Variants in CFI observed in about 807,000 individuals in gnomAD.
CFI encodes complement factor I.
In CFI, 66 loss-of-function variants were observed where a neutral mutation model predicts 78.8. The observed-to-expected ratio is 0.84, with a 90% confidence interval of 0.69 to 1.03. The LOEUF is 1.03. Ranked by LOEUF, CFI falls within the 50% of genes least tolerant of loss-of-function variation. CFI has a pLI of 0.00. For missense variants in CFI, 706 were observed against 704.5 expected, an observed-to-expected ratio of 1.00 and a Z score of -0.02; for synonymous variants, 250 against 232.6, an observed-to-expected ratio of 1.07 and a Z score of -0.68.
downstream of CFI, among the ~76,000 whole-genome samples, chr4:109,740,434 T>A (rs1723654603): frequency 6.6e-6 from 1 of 152,166 alleles, no homozygotes; most frequent in Non-Finnish European, 1.5e-5. Flanking sequence ...GTGAAGTCAG[T>A]TATTACCCTG....
In CFI at chr4:109,746,448, G is replaced by T. The variant is rs777911239; in HGVS notation, c.1203C>A (p.His401Gln). The change falls in exon 11 of 13, where the codon CAC becomes CAA. Residue 401 changes from histidine (H) to glutamine (Q), a missense_variant. Coordinates refer to ENST00000394634, the MANE Select transcript of CFI (RefSeq NM_000204.5). Reference sequence around the variant, plus strand: ...CAATTACTATACGTTTAAGGTCGGGGTGTATCCAGTCTACTACTGTTGTCC... The same window carrying T: ...CAATTACTATACGTTTAAGGTCGGGTTGTATCCAGTCTACTACTGTTGTCC... The part of the protein sequence containing the change: ...QIWTTVVDWI[H>Q]PDLKRIVIEY... 14 of 1,613,700 alleles carry T rather than the reference G, an allele frequency of 8.7e-6. No individual in the cohort carries two copies. The highest frequency in any genetic ancestry group is 1.2e-5 in the Non-Finnish European group (14 of 1,179,814).
intron 2 of CFI, among the ~76,000 whole-genome samples, chr4:109,766,061 T>G (rs577541324): frequency 6.6e-6 from 1 of 152,178 alleles, no homozygotes; most frequent in South Asian, 2.1e-4. Context: ...GAGGTTGGAA[T>G]GAGCCAAGAT....
intron 1 of CFI, among the ~76,000 whole-genome samples, chr4:109,769,787 G>C (rs924473714): frequency 6.6e-6 from 1 of 152,148 alleles, no homozygotes; most frequent in Non-Finnish European, 1.5e-5. Context: ...CCCTCCTGAG[G>C]ACCCACACCT....
At position 109,740,771 on chromosome 4, in the gene CFI, A is replaced by G; in HGVS notation, c.*122T>C. The G allele has an allele frequency of 2.1e-6, 2 of 935,168 alleles. No homozygotes were observed. Among genetic ancestry groups the G allele is most frequent in the Non-Finnish European group, 3.4e-6 (2 of 591,122 alleles). The allele number at this position is 935,168 out of a possible 1,614,324, so 57.9% of individuals were successfully genotyped here. ...GGCATAAACTCTGTGGAGACCTTTA[A>G]AAATATCCAGTGAGATTTGCTTCAT... On this transcript the variant is annotated 3_prime_UTR_variant, in exon 13 of 13. Coordinates refer to ENST00000394634, the MANE Select transcript of CFI (RefSeq NM_000204.5).
At chr4:109,733,517 T>C in the CFI span, among the ~76,000 whole-genome samples, 1 of 152,098 alleles carries the variant, frequency 6.6e-6, no homozygotes. Flanking sequence ...TCAGTTATGA[T>C]ACAGTAATCT....
At chr4:109,764,146 C>T (rs1727427451) in intron 3 of CFI, among the ~76,000 whole-genome samples, 1 of 150,760 alleles carries the variant, frequency 6.6e-6, no homozygotes, top group African/African-American at 2.4e-5. Flanking sequence ...ATAGTTTATA[C>T]TCACTGTATA....
intron 7 of CFI, among the ~76,000 whole-genome samples, chr4:109,756,901 GA>G (rs1387404644): frequency 3.8e-4 from 14 of 36,514 alleles, no homozygotes; most frequent in African/African-American, 1.3e-3. Context: ...AAGAAAGAAA[GA>G]AAGAAAGAAA....
chr4:109,737,715 G>C (rs1723450293), downstream of CFI, among the ~76,000 whole-genome samples: 1 of 152,206 alleles, frequency 6.6e-6, no homozygotes, highest in Non-Finnish European at 1.5e-5. Flanking sequence ...AGTGTGGTCT[G>C]TGAGCGTTAT....
chr4:109,790,077 T>C (rs1202193820), intron 1 of CFI, among the ~76,000 whole-genome samples: 2 of 152,090 alleles, frequency 1.3e-5, no homozygotes, highest in Admixed American at 6.6e-5. Flanking sequence ...TTAATATTTC[T>C]AGGTTATCTA....
intron 9 of CFI, 30 bp from the exon 10 acceptor site, chr4:109,749,351 A>T (rs1381180453): frequency 1.1e-5 from 18 of 1,582,410 alleles, no homozygotes; most frequent in Non-Finnish European, 1.6e-5. Flanking sequence ...GGTCACTGCC[A>T]TTCTAACAGA....
chr4:109,749,876 C>T (rs1376317138), intron 8 of CFI, among the ~76,000 whole-genome samples: 1 of 152,182 alleles, frequency 6.6e-6, no homozygotes, highest in Non-Finnish European at 1.5e-5. Flanking sequence ...CATTTACCAG[C>T]CTCTAGCTGA....
intron 1 of CFI, among the ~76,000 whole-genome samples, chr4:109,773,292 C>G (rs915341073): frequency 3.3e-5 from 5 of 152,156 alleles, no homozygotes; most frequent in Admixed American, 6.5e-5. Flanking sequence ...CTTTGGGAGG[C>G]TGAGGCAGGT....
the CFI span, among the ~76,000 whole-genome samples, chr4:109,732,684 T>C: frequency 6.6e-6 from 1 of 151,920 alleles, no homozygotes; most frequent in African/African-American, 2.4e-5. Context: ...GGTGAAACCC[T>C]GTCTCTACTA....
At chr4:109,771,467 T>G (rs1315205995) in intron 1 of CFI, among the ~76,000 whole-genome samples, 1 of 149,918 alleles carries the variant, frequency 6.7e-6, no homozygotes, top group East Asian at 2.0e-4. Context: ...CACTTTGGGA[T>G]GCTGAGGCAG....
intron 7 of CFI, among the ~76,000 whole-genome samples, chr4:109,754,401 G>T (rs1353166277): frequency 6.8e-5 from 9 of 131,676 alleles, no homozygotes; most frequent in Middle Eastern, 4.3e-3. Context: ...AGGCATCTGG[G>T]ATGCAGAAGT....
chr4:109,790,048 G>A (rs557543845), intron 1 of CFI, among the ~76,000 whole-genome samples: 8 of 151,926 alleles, frequency 5.3e-5, no homozygotes, highest in Non-Finnish European at 1.0e-4. Flanking sequence ...TTGGTGATTT[G>A]TGTGTTTCTA....
chr4:109,777,040 A>G (rs1729340380), intron 1 of CFI, among the ~76,000 whole-genome samples: 1 of 152,136 alleles, frequency 6.6e-6, no homozygotes. Context: ...AAAGACCATC[A>G]AGGCTAGGAA....
intron 11 of CFI, 127 bp from the exon 12 acceptor site, chr4:109,742,722 A>G: frequency 3.0e-6 from 2 of 665,836 alleles, no homozygotes; most frequent in Non-Finnish European, 5.3e-6. Flanking sequence ...ATTTTTGAGA[A>G]CTCTTCCTTA....
At chr4:109,756,893 GAAAGAAAGA>G (rs1426151911) in intron 7 of CFI, among the ~76,000 whole-genome samples, 16 of 13,778 alleles carry the variant, frequency 1.2e-3, no homozygotes, top group African/African-American at 4.0e-3. Flanking sequence ...AGAAAGGAAA[GAAAGAAAGA>G]AAGAAAGAAA....
Sources: allele counts gnomAD v4.1 joint callset (sites outside exome capture counted in the v4.1 genomes callset), GRCh38; gene constraint gnomAD v4.1.1; transcripts MANE v1.5; gene names NCBI Gene and HGNC (gene_info 2026-07-23, HGNC 2026-07-21).